Variants in DYNLT5 observed in about 807,000 individuals in gnomAD.
DYNLT5 encodes dynein light chain Tctex-type 5.
DYNLT5 carries 25 observed loss-of-function variants against 19.3 expected under a neutral mutation model. The observed-to-expected ratio is 1.30, with a 90% CI of 0.95 to 1.81. The LOEUF is 1.81. DYNLT5 is among the 40% of genes most tolerant of loss of function. DYNLT5 has a pLI of 0.00. For synonymous variants in DYNLT5, 82 were observed against 68.9 expected (o/e 1.19, Z -0.94); for missense variants, 232 against 217.9 (o/e 1.06, Z -0.41).
chr1:66,776,552 T>TGG (rs1167831216), intron 4 of DYNLT5, 149 bp downstream of exon 4: 1 of 740,018 alleles, frequency 1.4e-6, no homozygotes, highest in African/African-American at 2.2e-5. Flanking sequence ...CATATATGTG[T>TGG]GTGTGTGGGT....
intron 3 of DYNLT5, among the ~76,000 whole-genome samples, chr1:66,773,183 G>A (rs762795353): frequency 1.4e-4 from 22 of 152,046 alleles, no homozygotes; most frequent in Non-Finnish European, 2.8e-4. Flanking sequence ...GAGTATAGTG[G>A]CACCTGGTTG....
chr1:66,760,950 G>A (rs138169439), intron 2 of DYNLT5, among the ~76,000 whole-genome samples: 21 of 152,246 alleles, frequency 1.4e-4, no homozygotes, highest in East Asian at 5.8e-4. Flanking sequence ...CCAGAGCTGC[G>A]CTTTTCACAG....
intron 3 of DYNLT5, among the ~76,000 whole-genome samples, chr1:66,773,023 A>G (rs1054905009): frequency 3.9e-5 from 6 of 152,190 alleles, no homozygotes; most frequent in South Asian, 2.1e-4. Context: ...TTATATGTTT[A>G]AATCTCTCCA....
At chr1:66,773,950 A>C (rs1231311841) in intron 3 of DYNLT5, among the ~76,000 whole-genome samples, 1 of 152,166 alleles carries the variant, frequency 6.6e-6, no homozygotes, top group Non-Finnish European at 1.5e-5. Context: ...ATGATTCTGG[A>C]TGTTTAGGGG....
intron 2 of DYNLT5, among the ~76,000 whole-genome samples, chr1:66,761,797 T>C (rs537805740): frequency 2.6e-5 from 4 of 152,210 alleles, no homozygotes; most frequent in African/African-American, 9.6e-5. Flanking sequence ...AAAAATAAAA[T>C]GAAATGAAAT....
chr1:66,766,517 G>A (rs1239056650), intron 2 of DYNLT5, among the ~76,000 whole-genome samples: 1 of 152,032 alleles, frequency 6.6e-6, no homozygotes, highest in Non-Finnish European at 1.5e-5. Context: ...AACTGATATT[G>A]GCAATTCCCC....
At chr1:66,754,123 C>A (rs1175013718) in intron 1 of DYNLT5, among the ~76,000 whole-genome samples, 1 of 151,862 alleles carries the variant, frequency 6.6e-6, no homozygotes, top group Non-Finnish European at 1.5e-5. Flanking sequence ...ACCTGCAGTC[C>A]CAGCTACTCA....
chr1:66,773,046 CT>C (rs1645212719), intron 3 of DYNLT5, among the ~76,000 whole-genome samples: 1 of 152,140 alleles, frequency 6.6e-6, no homozygotes, highest in Non-Finnish European at 1.5e-5. Flanking sequence ...CATCATGTTA[CT>C]ACTCCTGAAA....
chr1:66,757,916 A>C (rs2094639269), intron 2 of DYNLT5, among the ~76,000 whole-genome samples: 2 of 152,212 alleles, frequency 1.3e-5, no homozygotes, highest in Non-Finnish European at 2.9e-5. Context: ...CCACTTTCGC[A>C]CTGTAACAGC....
At chr1:66,752,881 C>T (rs553661941) in intron 1 of DYNLT5, among the ~76,000 whole-genome samples, 1 of 152,334 alleles carries the variant, frequency 6.6e-6, no homozygotes, top group South Asian at 2.1e-4. Flanking sequence ...TGGCTGGCCG[C>T]ACCCATGAGG....
intron 2 of DYNLT5, among the ~76,000 whole-genome samples, chr1:66,759,645 C>A (rs781148016): frequency 6.6e-6 from 1 of 152,132 alleles, no homozygotes. Flanking sequence ...AACTCACTTT[C>A]AAGCAGAAAA....
At chr1:66,765,401 TAATAATAACTCTGAAAACGTATGGAA>T (rs1181859097) in intron 2 of DYNLT5, among the ~76,000 whole-genome samples, 1 of 152,136 alleles carries the variant, frequency 6.6e-6, no homozygotes, top group Non-Finnish European at 1.5e-5. Context: ...CATCTAGGTA[TAATAATAACTCTGAAAACGTATGGAA>T]ATGAGTTCTC....
At chr1:66,770,344 T>G in intron 2 of DYNLT5, 43 bp from the exon 3 acceptor site, 1 of 1,223,668 alleles carries the variant, frequency 8.2e-7, no homozygotes, top group East Asian at 2.3e-5. Context: ...TTGTTATTAT[T>G]GTTATAATAA....
intron 2 of DYNLT5, among the ~76,000 whole-genome samples, chr1:66,755,527 G>A (rs887571278): frequency 6.6e-6 from 1 of 152,162 alleles, no homozygotes; most frequent in South Asian, 2.1e-4. Context: ...CTATAGCTTT[G>A]GAGGATGTTG....
chr1:66,753,127 ACACT>A (rs1432821491), intron 1 of DYNLT5, among the ~76,000 whole-genome samples: 1 of 152,182 alleles, frequency 6.6e-6, no homozygotes, highest in African/African-American at 2.4e-5. Flanking sequence ...TCACAGGTAC[ACACT>A]CAAGGACGCT....
intron 1 of DYNLT5, among the ~76,000 whole-genome samples, chr1:66,754,290 A>G (rs549728979): frequency 6.6e-6 from 1 of 152,350 alleles, no homozygotes; most frequent in South Asian, 2.1e-4. Context: ...AAGTTGTATT[A>G]TGGTTACATT....
intron 3 of DYNLT5, among the ~76,000 whole-genome samples, chr1:66,774,152 G>A (rs1016857865): frequency 8.5e-5 from 13 of 152,090 alleles, no homozygotes; most frequent in South Asian, 2.1e-4. Context: ...ACTAACCTAT[G>A]TGCACTTTCT....
chr1:66,752,968 G>C (rs1015477962), intron 1 of DYNLT5, among the ~76,000 whole-genome samples: 10 of 152,192 alleles, frequency 6.6e-5, no homozygotes, highest in African/African-American at 2.4e-4. Context: ...CTGAGGCCGA[G>C]ATGGGTCTAT....
rs559468298 is a variant in DYNLT5 at position 66,752,830 on chromosome 1, C to G, written c.-4+246C>G. Among the ~76,000 whole-genome samples the G allele has an allele frequency of 9.1e-4, 138 of 152,334 alleles. 1 individual carries two copies. The highest frequency in any genetic ancestry group is 3.2e-3 in the African/African-American group (133 of 41,582). Reference sequence around the variant, plus strand: ...TCAAGAGTGATGGCCAACGCAGAGCCGGCCAGCAAGGTCATCCCCTGACCC... The same window carrying G: ...TCAAGAGTGATGGCCAACGCAGAGCGGGCCAGCAAGGTCATCCCCTGACCC... On this transcript the variant is annotated intron_variant, in intron 1 of 4. Coordinates refer to ENST00000282670, the MANE Select transcript of DYNLT5 (RefSeq NM_152665.3).
Sources: allele counts gnomAD v4.1 joint callset (sites outside exome capture counted in the v4.1 genomes callset), GRCh38; gene constraint gnomAD v4.1.1; transcripts MANE v1.5; gene names NCBI Gene and HGNC (gene_info 2026-07-23, HGNC 2026-07-21).